Variants in BCR observed in about 807,000 individuals in gnomAD.
BCR encodes the protein BCR activator of RhoGEF and GTPase.
A neutral mutation model predicts 138.6 loss-of-function variants in BCR; 58 were observed. The ratio of observed to expected loss-of-function variants is 0.42; its 90% CI spans 0.34 to 0.52. The LOEUF is 0.52. Among genes scored for constraint, BCR ranks in the 20% least tolerant of loss-of-function variants. BCR has a pLI of 0.06. For missense variants in BCR, 1,599 were observed against 1,727.2 expected (o/e 0.93, Z 1.32); for synonymous variants, 786 against 730.1 (o/e 1.08, Z -1.23).
chr22:23,259,494 T>G (rs2073332675), intron 2 of BCR, among the ~76,000 whole-genome samples: 1 of 151,852 alleles, frequency 6.6e-6, no homozygotes, highest in South Asian at 2.1e-4. Context: ...TGACAAGACC[T>G]TGTTTCTATT....
chr22:23,181,729 A>C lies in BCR; in HGVS notation c.769A>C (p.Lys257Gln), dbSNP rs1265909030. Residue 257 changes from lysine to glutamine, a missense_variant, in exon 1 of 23, where the codon AAG becomes CAG. Around this residue, in one of 4 missense-constraint regions of BCR, gnomAD observed 806 missense variants for 635.0 expected, o/e 1.27. Coordinates refer to ENST00000305877, the MANE Select transcript of BCR (RefSeq NM_004327.4). ...EDAELNPRFL[K>Q]DNLIDANGGS... Reference sequence around the variant, plus strand: ...CGCCGAGTTGAACCCCCGCTTCCTGAAGGACAACCTGATCGACGCCAATGG... The same window carrying C: ...CGCCGAGTTGAACCCCCGCTTCCTGCAGGACAACCTGATCGACGCCAATGG... 1 of 1,604,042 alleles carries C rather than the reference A, an allele frequency of 6.2e-7. No homozygotes were observed. Among genetic ancestry groups the C allele is most frequent in the East Asian group, 2.2e-5 (1 of 44,852 alleles).
At chr22:23,268,554 C>T (rs1178887190) in intron 5 of BCR, 39 bp downstream of exon 5, 2 of 1,519,274 alleles carry the variant, frequency 1.3e-6, no homozygotes, top group African/African-American at 2.7e-5. Flanking sequence ...GCACCGCTGA[C>T]TCCCACCTGT....
chr22:23,289,884 C>T (rs974554961), intron 13 of BCR: 8 of 549,132 alleles, frequency 1.5e-5, no homozygotes, highest in Non-Finnish European at 2.6e-5. Flanking sequence ...GCAGCAGACG[C>T]TCCTCAGATG....
At position 23,273,689 on chromosome 22, in the gene BCR, C is replaced by T; in HGVS notation, c.2030C>T (p.Ala677Val). ...SHPDHPLLQD[A>V]LRISQNFLSS... ...CCTGACCACCCCTTGCTGCAGGACGCCCTCCGCATCTCACAGAACTTCCTG... is the reference window on the plus strand; with the variant it reads ...CCTGACCACCCCTTGCTGCAGGACGTCCTCCGCATCTCACAGAACTTCCTG... Residue 677 changes from alanine (A) to valine (V), a missense_variant, in exon 8 of 23, where the codon GCC (alanine) becomes GTC (valine). Ala to Val is a moderately conservative substitution (Grantham distance 64). This residue lies in a region of BCR where 590 missense variants were observed against 762.4 expected (regional missense o/e 0.77). Coordinates refer to ENST00000305877, the MANE Select transcript of BCR (RefSeq NM_004327.4). 6.2e-7 allele frequency: 1 copy of T among 1,614,138 alleles called. No individual in the cohort carries two copies. Among genetic ancestry groups the T allele is most frequent in the Non-Finnish European group, 8.5e-7 (1 of 1,180,050 alleles).
chr22:23,271,720 T>C (rs1486470355), intron 6 of BCR, 128 bp downstream of exon 6: 1 of 885,394 alleles, frequency 1.1e-6, no homozygotes. Context: ...CTGTTCTCTC[T>C]TCAGATAGAG....
intron 5 of BCR, among the ~76,000 whole-genome samples, chr22:23,270,648 C>A (rs924103543): frequency 1.3e-5 from 2 of 152,236 alleles, no homozygotes; most frequent in Admixed American, 6.5e-5. Flanking sequence ...ACACTTTCGT[C>A]TGGTCTTGAG....
rs1315561771 is a variant in BCR, at chr22:23,255,041, TAAAA to T, written c.1461+1065_1461+1068del. Among the ~76,000 whole-genome samples, 3 of 151,888 alleles carry T rather than the reference TAAAA, an allele frequency of 2.0e-5. 1 individual carries two copies. The highest frequency in any genetic ancestry group is 4.2e-4 in the South Asian group (2 of 4,818). The stretch of plus-strand genomic sequence containing the variant: ...AAGACCCTATCTTTAAAAATAATAA[TAAAA>T]AAATAAATAAAAAGAGCAAGAGAGA... On this transcript the variant is annotated intron_variant, in intron 2 of 22. Transcript: ENST00000305877.
At chr22:23,276,680 C>G (rs2073580713) in intron 8 of BCR, among the ~76,000 whole-genome samples, 1 of 152,208 alleles carries the variant, frequency 6.6e-6, no homozygotes. Flanking sequence ...GTGCTTTGCC[C>G]CTGCCCCTGC....
intron 1 of BCR, among the ~76,000 whole-genome samples, chr22:23,191,502 C>T (rs1428236747): frequency 6.6e-6 from 1 of 152,214 alleles, no homozygotes. Flanking sequence ...TTTTCCCCTG[C>T]GTATCTTTCT....
At chr22:23,270,824 C>T (rs79426225) in intron 5 of BCR, among the ~76,000 whole-genome samples, 6,134 of 152,318 alleles carry the variant, frequency 0.04, 193 homozygotes, top group African/African-American at 0.079. Flanking sequence ...GTGATGCTTT[C>T]AACACAATTG....
chr22:23,276,305 A>T (rs2073575249), intron 8 of BCR, among the ~76,000 whole-genome samples: 1 of 151,934 alleles, frequency 6.6e-6, no homozygotes, highest in South Asian at 2.1e-4. Context: ...AGGCTGAGGC[A>T]GGAGAATCTC....
At chr22:23,299,711 T>C (rs947872788) in intron 16 of BCR, among the ~76,000 whole-genome samples, 1 of 126,900 alleles carries the variant, frequency 7.9e-6, no homozygotes, top group African/African-American at 3.1e-5. Flanking sequence ...TATATATATA[T>C]ATATATAGTA....
intron 22 of BCR, 57 bp downstream of exon 22, chr22:23,314,771 C>T: frequency 1.9e-6 from 3 of 1,581,210 alleles, no homozygotes; most frequent in African/African-American, 2.7e-5. Context: ...GTGGCCTCTG[C>T]CTGCCCCACC....
At chr22:23,268,343 T>TGCACA (rs2073469102) in intron 4 of BCR, 65 bp from the exon 5 acceptor site, 6 of 1,348,498 alleles carry the variant, frequency 4.4e-6, no homozygotes, top group Non-Finnish European at 6.2e-6. Flanking sequence ...CACGGGAGCC[T>TGCACA]GCTCTTCAGA....
chr22:23,240,434 G>A (rs1269850063), intron 1 of BCR, among the ~76,000 whole-genome samples: 6 of 151,382 alleles, frequency 4.0e-5, no homozygotes, highest in Non-Finnish European at 5.9e-5. Flanking sequence ...GGTGGATCAC[G>A]AGGTCAGGAG....
chr22:23,289,913 G>A, intron 13 of BCR: 1 of 528,254 alleles, frequency 1.9e-6, no homozygotes, highest in Non-Finnish European at 3.4e-6. Context: ...CTTGGATCTG[G>A]CCCCACTCCC....
chr22:23,278,247 C>T (rs1194363293), intron 8 of BCR, among the ~76,000 whole-genome samples: 3 of 152,194 alleles, frequency 2.0e-5, no homozygotes, highest in Non-Finnish European at 2.9e-5. Flanking sequence ...CAGGCATTGA[C>T]CTCCAATACC....
intron 4 of BCR, chr22:23,263,762 C>T: frequency 7.0e-7 from 1 of 1,426,208 alleles, no homozygotes; most frequent in Non-Finnish European, 9.9e-7. Flanking sequence ...GGCATCATAT[C>T]ATTGTGAGTG....
chr22:23,216,992 A>T (rs1383209358), intron 1 of BCR: 6 of 445,022 alleles, frequency 1.3e-5, no homozygotes, highest in Middle Eastern at 4.3e-4. Context: ...CGGGGGTAGA[A>T]AGCTGGACTC....
Sources: allele counts gnomAD v4.1 joint callset (sites outside exome capture counted in the v4.1 genomes callset), GRCh38; gene constraint gnomAD v4.1.1; regional missense constraint gnomAD v4.1.1; transcripts MANE v1.5; gene names NCBI Gene and HGNC (gene_info 2026-07-23, HGNC 2026-07-21).